Variants in MTM1 observed in about 807,000 individuals in gnomAD.
MTM1 encodes myotubularin.
In MTM1, 9 loss-of-function variants were observed where a neutral mutation model predicts 52.1. The ratio of observed to expected loss-of-function variants is 0.17; its 90% CI spans 0.10 to 0.30. MTM1 has a LOEUF of 0.30. Among genes scored for constraint, MTM1 ranks in the 10% least tolerant of loss-of-function variants. The probability of loss-of-function intolerance (pLI) is 1.00; values close to 1 mark genes in which losing one functional copy is unlikely to be tolerated. For missense variants in MTM1, 277 were observed against 470.7 expected (o/e 0.59, Z 3.81); for synonymous variants, 136 against 163.8 (o/e 0.83, Z 1.29).
chrX:150,567,555 CTTTT>C (rs1486860727), upstream of MTM1, among the ~76,000 whole-genome samples: 1 of 111,496 alleles, frequency 9.0e-6, no homozygotes, highest in East Asian at 2.8e-4. Context: ...GTTGTCTTTT[CTTTT>C]TTTAATTTTT....
intron 4 of MTM1, among the ~76,000 whole-genome samples, chrX:150,603,990 G>C (rs1324504264): frequency 2.7e-5 from 3 of 111,956 alleles, no homozygotes; most frequent in Non-Finnish European, 5.6e-5. Flanking sequence ...AGAATCTCAA[G>C]AAGGAAGGGA....
At chrX:150,606,018 A>T (rs1883084510) in intron 4 of MTM1, among the ~76,000 whole-genome samples, 1 of 111,118 alleles carries the variant, frequency 9.0e-6, no homozygotes, top group Non-Finnish European at 1.9e-5. Flanking sequence ...GAAAAAAAAA[A>T]AAAAGCATTG....
At chrX:150,577,589 T>C (rs1606938) in intron 1 of MTM1, among the ~76,000 whole-genome samples, 12,262 of 112,042 alleles carry the variant, frequency 0.11, 556 homozygotes, top group Middle Eastern at 0.22. Context: ...TGGTGAAGGA[T>C]TTGCTGAAAT....
intron 4 of MTM1, among the ~76,000 whole-genome samples, chrX:150,603,140 A>G (rs1557412771): frequency 1.8e-5 from 2 of 112,030 alleles, no homozygotes. Context: ...TCAGGTAGAG[A>G]GTTACCGTGT....
chrX:150,599,361 G>A (rs1157708649), intron 4 of MTM1, among the ~76,000 whole-genome samples: 5 of 112,293 alleles, frequency 4.5e-5, no homozygotes, highest in Non-Finnish European at 9.4e-5. Flanking sequence ...GAGAGAGTGA[G>A]TAGCTGCTGT....
In MTM1 at chrX:150,652,668, C is replaced by T. The variant is rs901763017; in HGVS notation, c.1053+2767C>T. On this transcript the variant is annotated intron_variant, in intron 10 of 14. Coordinates refer to ENST00000370396, the MANE Select transcript of MTM1 (RefSeq NM_000252.3). ...GTGTGTATATATATATACACACACA[C>T]ACACACACACACACACACACACACA... Among the ~76,000 whole-genome samples the T allele has an allele frequency of 1.5e-3, 79 of 54,124 alleles. 1 individual carries two copies. The highest frequency in any genetic ancestry group is 0.011 in the African/African-American group (74 of 6,740). The allele number at this position is 54,124 out of a possible 115,157, so 47.0% of individuals were successfully genotyped here.
intron 6 of MTM1, among the ~76,000 whole-genome samples, chrX:150,631,624 C>G (rs952662847): frequency 2.2e-5 from 2 of 90,041 alleles, no homozygotes; most frequent in Non-Finnish European, 4.2e-5. Flanking sequence ...GATTGCTCCA[C>G]TGCACTCCAG....
At chrX:150,596,012 G>C (rs1557412593) in intron 2 of MTM1, among the ~76,000 whole-genome samples, 4 of 49,712 alleles carry the variant, frequency 8.0e-5, no homozygotes, top group Non-Finnish European at 7.5e-5. Flanking sequence ...TAGTGAAATA[G>C]GAAACGCAAT....
At chrX:150,598,551 T>C (rs1557412657) in intron 3 of MTM1, 41 bp from the exon 4 acceptor site, 2 of 799,105 alleles carry the variant, frequency 2.5e-6, no homozygotes, top group Admixed American at 4.5e-5. Context: ...TATCTTGGTA[T>C]CTATTTCCAT....
intron 2 of MTM1, among the ~76,000 whole-genome samples, chrX:150,594,141 ACT>A (rs1437553555): frequency 3.8e-5 from 4 of 105,570 alleles, no homozygotes; most frequent in African/African-American, 1.4e-4. Flanking sequence ...ACAGAGTCTA[ACT>A]CTGTCCCTCA....
At chrX:150,653,777 C>T (rs1484652718) in intron 10 of MTM1, among the ~76,000 whole-genome samples, 1 of 112,405 alleles carries the variant, frequency 8.9e-6, no homozygotes, top group East Asian at 2.8e-4. Flanking sequence ...CTTGTATTTC[C>T]TCTTTGTCCT....
At chrX:150,626,554 C>T (rs781831337) in intron 6 of MTM1, among the ~76,000 whole-genome samples, 89 of 111,344 alleles carry the variant, frequency 8.0e-4, no homozygotes, top group East Asian at 2.0e-3. Context: ...GTGATCCGCC[C>T]GCCTCAGCCT....
At chrX:150,579,559 G>C (rs2148404038) in intron 1 of MTM1, among the ~76,000 whole-genome samples, 1 of 111,266 alleles carries the variant, frequency 9.0e-6, no homozygotes, top group South Asian at 3.8e-4. Context: ...GCAGTGGCAT[G>C]ATGGTGGCTC....
intron 6 of MTM1, among the ~76,000 whole-genome samples, chrX:150,634,212 C>T (rs1443135143): frequency 1.8e-5 from 2 of 112,119 alleles, no homozygotes; most frequent in African/African-American, 6.5e-5. Flanking sequence ...CAATTTATTC[C>T]CCTGATTATG....
At chrX:150,667,658 A>G (rs1245022648) in intron 14 of MTM1, among the ~76,000 whole-genome samples, 1 of 112,042 alleles carries the variant, frequency 8.9e-6, no homozygotes, top group African/African-American at 3.2e-5. Flanking sequence ...GTAATGCTAT[A>G]TATGCATTTT....
intron 13 of MTM1, among the ~76,000 whole-genome samples, chrX:150,662,845 T>A (rs1332250052): frequency 2.7e-5 from 3 of 110,404 alleles, no homozygotes; most frequent in Non-Finnish European, 3.8e-5. Context: ...TAAAAAGCAA[T>A]GAAAATGTGA....
intron 11 of MTM1, among the ~76,000 whole-genome samples, chrX:150,658,705 C>G (rs1433341978): frequency 9.0e-6 from 1 of 111,436 alleles, no homozygotes; most frequent in Non-Finnish European, 1.9e-5. Context: ...CATTTTGACC[C>G]AGCTCCCCAG....
chrX:150,621,480 T>C (rs1450402505), intron 6 of MTM1, among the ~76,000 whole-genome samples: 2 of 111,420 alleles, frequency 1.8e-5, no homozygotes, highest in African/African-American at 6.5e-5. Flanking sequence ...TTTTTAAATA[T>C]GATCATGTTA....
intron 4 of MTM1, among the ~76,000 whole-genome samples, chrX:150,603,529 A>G (rs182738438): frequency 8.0e-5 from 9 of 111,914 alleles, no homozygotes; most frequent in Admixed American, 4.7e-4. Context: ...GGGGACAGCC[A>G]TGAGAGATTT....
Sources: allele counts gnomAD v4.1 joint callset (sites outside exome capture counted in the v4.1 genomes callset), GRCh38; gene constraint gnomAD v4.1.1; transcripts MANE v1.5; gene names NCBI Gene and HGNC (gene_info 2026-07-23, HGNC 2026-07-21).